Variants in RAI14 observed in about 807,000 individuals in gnomAD.
RAI14 encodes ankycorbin.
Under a neutral mutation model 115.4 loss-of-function variants are expected in RAI14, and 45 were observed. The observed-to-expected ratio is 0.39, with a 90% CI of 0.31 to 0.50. The LOEUF (loss-of-function observed/expected upper bound fraction) is 0.50, where lower values mean the gene tolerates loss of function less well. Among genes scored for constraint, RAI14 ranks in the 20% least tolerant of loss-of-function variants. The probability of loss-of-function intolerance (pLI) is 0.85; values close to 1 mark genes in which losing one functional copy is unlikely to be tolerated. For synonymous variants in RAI14, 371 were observed against 415.4 expected, an observed-to-expected ratio of 0.89 and a Z score of 1.30; for missense variants, 939 against 1,131.2, an observed-to-expected ratio of 0.83 and a Z score of 2.44.
intron 4 of RAI14, among the ~76,000 whole-genome samples, chr5:34,798,626 C>T (rs895063559): frequency 2.6e-5 from 4 of 152,178 alleles, no homozygotes; most frequent in Non-Finnish European, 2.9e-5. Context: ...GGCCTCATAA[C>T]ACCCTGTGGG....
chr5:34,771,289 G>C (rs997483541), intron 3 of RAI14, among the ~76,000 whole-genome samples: 2 of 152,160 alleles, frequency 1.3e-5, no homozygotes, highest in Non-Finnish European at 2.9e-5. Context: ...TCATTTCTTT[G>C]TGTGAGCGTT....
intron 2 of RAI14, among the ~76,000 whole-genome samples, chr5:34,725,940 C>T (rs1470404260): frequency 2.5e-5 from 3 of 122,286 alleles, no homozygotes; most frequent in Admixed American, 9.5e-5. Flanking sequence ...CTAGCCTGGG[C>T]AACAGGAGCG....
chr5:34,678,015 A>G (rs1744112016), intron 1 of RAI14, among the ~76,000 whole-genome samples: 1 of 152,174 alleles, frequency 6.6e-6, no homozygotes, highest in Non-Finnish European at 1.5e-5. Context: ...CACAGTTTGA[A>G]ATCCCTCTAG....
intron 2 of RAI14, among the ~76,000 whole-genome samples, chr5:34,753,725 C>T (rs1326317267): frequency 6.6e-6 from 1 of 152,110 alleles, no homozygotes; most frequent in Admixed American, 6.6e-5. Context: ...ACCATCCTGG[C>T]TAACATGGTG....
rs374626365 is a variant in RAI14, at chr5:34,807,824, G to A, written c.346G>A (p.Asp116Asn). 8.7e-6 allele frequency: 14 copies of A among 1,610,970 alleles called. No homozygotes were observed. The highest frequency in any genetic ancestry group is 1.2e-5 in the Non-Finnish European group (14 of 1,177,160). ...GTCTAAATGCCCAGCCGAAAGTGTC[G>A]ACAGCTCTGGGAAAACAGCTTTACA... ...LQSKCPAESV[D>N]SSGKTALHYA... Residue 116 changes from aspartate to asparagine, a missense_variant, in exon 6 of 18, where the codon GAC (aspartate) becomes AAC (asparagine). By Grantham distance (23) the Asp-to-Asn change is conservative. Transcript: ENST00000265109.
chr5:34,680,062 AAAGT>A (rs1404036281), intron 1 of RAI14, among the ~76,000 whole-genome samples: 1 of 152,200 alleles, frequency 6.6e-6, no homozygotes, highest in Non-Finnish European at 1.5e-5. Flanking sequence ...ACTCTATTCC[AAAGT>A]AAGTAGGTAG....
intron 3 of RAI14, among the ~76,000 whole-genome samples, chr5:34,764,289 C>A (rs1185681261): frequency 6.6e-6 from 1 of 152,170 alleles, no homozygotes; most frequent in South Asian, 2.1e-4. Flanking sequence ...ATTAGAATCA[C>A]CTGGGCAGCT....
intron 1 of RAI14, among the ~76,000 whole-genome samples, chr5:34,664,602 A>G (rs1259954326): frequency 6.6e-6 from 1 of 151,814 alleles, no homozygotes. Flanking sequence ...GATAAGTTCA[A>G]TTTGCTTAAT....
At position 34,767,955 on chromosome 5, in the gene RAI14, T is replaced by C. The variant is rs370229240; in HGVS notation, c.167+10357T>C. Among the ~76,000 whole-genome samples, 25 of 149,828 alleles carry C rather than the reference T, an allele frequency of 1.7e-4. No homozygotes were observed. In the South Asian group the frequency reaches 5.0e-3, roughly 30 times the overall value. ...GTAGGGCTGGGACCCCCTCATAGAG[T>C]CCCTACTGGGGCACCACCTAATGGA... On this transcript the variant is annotated intron_variant, in intron 3 of 17. Transcript: ENST00000265109.
At chr5:34,765,709 G>A (rs1485561142) in intron 3 of RAI14, among the ~76,000 whole-genome samples, 1 of 152,224 alleles carries the variant, frequency 6.6e-6, no homozygotes, top group East Asian at 1.9e-4. Flanking sequence ...ATTTTCTGTG[G>A]AGAAACTCAA....
intron 3 of RAI14, among the ~76,000 whole-genome samples, chr5:34,778,718 A>G (rs1456271696): frequency 6.6e-6 from 1 of 151,240 alleles, no homozygotes; most frequent in African/African-American, 2.4e-5. Flanking sequence ...GCTGGGCAAC[A>G]CAGTGAGACC....
intron 2 of RAI14, among the ~76,000 whole-genome samples, chr5:34,737,052 G>C (rs1285239164): frequency 6.6e-6 from 1 of 152,164 alleles, no homozygotes; most frequent in East Asian, 1.9e-4. Context: ...TCATGTGAGG[G>C]ATCTAGGTTG....
intron 1 of RAI14, among the ~76,000 whole-genome samples, chr5:34,662,040 C>T (rs1742730907): frequency 6.6e-6 from 1 of 152,204 alleles, no homozygotes; most frequent in African/African-American, 2.4e-5. Context: ...CCTCCTGCTT[C>T]AGCCTCTTGA....
intron 4 of RAI14, among the ~76,000 whole-genome samples, chr5:34,800,728 A>G (rs1754157781): frequency 6.6e-6 from 1 of 152,226 alleles, no homozygotes; most frequent in Non-Finnish European, 1.5e-5. Flanking sequence ...TGACTAGAAC[A>G]CTTACTCAAA....
chr5:34,727,663 G>A (rs1250892200), intron 2 of RAI14, among the ~76,000 whole-genome samples: 1 of 152,184 alleles, frequency 6.6e-6, no homozygotes, highest in Non-Finnish European at 1.5e-5. Flanking sequence ...AGCTTGGGCT[G>A]TGGCTTCAGA....
chr5:34,752,440 A>G (rs1747153314), intron 2 of RAI14, among the ~76,000 whole-genome samples: 1 of 152,024 alleles, frequency 6.6e-6, no homozygotes, highest in Non-Finnish European at 1.5e-5. Flanking sequence ...CTCTCGAACA[A>G]AAACCAGGAT....
chr5:34,799,685 A>ATTTTTTTTTTTTTTTTTTTTT (rs57115550), intron 4 of RAI14, among the ~76,000 whole-genome samples: 8 of 103,414 alleles, frequency 7.7e-5, no homozygotes, highest in African/African-American at 3.2e-4. Context: ...ATCTGTTAGC[A>ATTTTTTTTTTTTTTTTTTTTT]TTTTTTTTTT....
rs1442769586 is a variant in RAI14, at chr5:34,795,958, A to G, written c.187A>G (p.Lys63Glu). 1.2e-6 allele frequency: 2 copies of G among 1,613,366 alleles called. No homozygotes were observed. Among genetic ancestry groups the G allele is most frequent in the East Asian group, 2.2e-5 (1 of 44,886 alleles). The change falls in exon 4 of 18, where the codon AAA (lysine) becomes GAA (glutamate). Residue 63 changes from lysine (K) to glutamate (E), a missense_variant. Lys to Glu is a moderately conservative substitution (Grantham distance 56). Coordinates refer to ENST00000265109, the MANE Select transcript of RAI14 (RefSeq NM_015577.3). ...GKTAFHLAAA[K>E]GHVECLRVMI... The stretch of plus-strand genomic sequence containing the variant: ...TTCCAGTTTCCATCTTGCTGCTGCA[A>G]AAGGACACGTGGAATGCCTCAGGGT...
At chr5:34,689,925 T>C (rs1263736201) in intron 2 of RAI14, among the ~76,000 whole-genome samples, 4 of 152,284 alleles carry the variant, frequency 2.6e-5, no homozygotes, top group South Asian at 4.1e-4. Flanking sequence ...AAAAATCTTA[T>C]GGCCTGGTGC....
Sources: allele counts gnomAD v4.1 joint callset (sites outside exome capture counted in the v4.1 genomes callset), GRCh38; gene constraint gnomAD v4.1.1; transcripts MANE v1.5; gene names NCBI Gene and HGNC (gene_info 2026-07-23, HGNC 2026-07-21).